The following BACE2 variants were observed in gnomAD, a reference collection of about 807,000 sequenced individuals.
BACE2 encodes the protein 56 kDa aspartic-like protease.
In BACE2, 17 loss-of-function variants were observed where a neutral mutation model predicts 46.2. The observed-to-expected ratio is 0.37, with a 90% CI of 0.25 to 0.55. The LOEUF is 0.55. Ranked by LOEUF, BACE2 falls within the 20% of genes least tolerant of loss-of-function variation. The pLI is 0.82. For missense variants in BACE2, 595 were observed against 698.1 expected (o/e 0.85, Z 1.66); for synonymous variants, 277 against 295.9 (o/e 0.94, Z 0.66).
rs1239805298 is a variant in BACE2 at position 41,282,052 on chromosome 21, T to C, written c.*6428T>C. The C allele has an allele frequency of 6.6e-6, 1 of 152,230 alleles. No individual in the cohort carries two copies. The highest frequency in any genetic ancestry group is 1.5e-5 in the Non-Finnish European group (1 of 68,032). The allele number at this position is 152,230 out of a possible 1,614,324, so 9.4% of individuals were successfully genotyped here. On this transcript the variant is annotated 3_prime_UTR_variant, in exon 9 of 9. Transcript: ENST00000330333. ...TTCAGTCATTGAAAGCGACCACTCA[T>C]TTTTTTCTTAAAGTTGATGCCTTTT... is the stretch of plus-strand genomic sequence containing the variant.
At chr21:41,186,463 C>G (rs937468861) in intron 1 of BACE2, 1 of 152,412 alleles carries the variant, frequency 6.6e-6, no homozygotes, top group Admixed American at 6.5e-5. Context: ...CAATCACAGA[C>G]TGCTTCACCG....
intron 5 of BACE2, among the ~76,000 whole-genome samples, chr21:41,243,751 A>C (rs1323999026): frequency 6.6e-6 from 1 of 152,224 alleles, no homozygotes; most frequent in Non-Finnish European, 1.5e-5. Context: ...TTACCATTAA[A>C]TGGTGAGTGA....
chr21:41,200,728 G>A (rs555301444), intron 1 of BACE2, among the ~76,000 whole-genome samples: 4 of 152,324 alleles, frequency 2.6e-5, no homozygotes, highest in Admixed American at 2.0e-4. Context: ...GACATGCAGA[G>A]AGACACCAGG....
intron 2 of BACE2, among the ~76,000 whole-genome samples, chr21:41,236,476 G>A (rs1197767516): frequency 2.6e-5 from 4 of 152,152 alleles, no homozygotes; most frequent in African/African-American, 7.2e-5. Context: ...TGTGAATGTC[G>A]TTCTGCGTCA....
At chr21:41,188,403 TA>T in intron 1 of BACE2, among the ~76,000 whole-genome samples, 1 of 152,280 alleles carries the variant, frequency 6.6e-6, no homozygotes, top group South Asian at 2.1e-4. Context: ...TTGGCAGGCC[TA>T]TGCAAACCAC....
chr21:41,176,185 C>G (rs1461326967), intron 1 of BACE2: 4 of 152,074 alleles, frequency 2.6e-5, no homozygotes, highest in African/African-American at 7.2e-5. Context: ...TTTTTTGCCC[C>G]CAGACCAATC....
chr21:41,232,739 C>T, intron 2 of BACE2, among the ~76,000 whole-genome samples: 1 of 152,202 alleles, frequency 6.6e-6, no homozygotes, highest in East Asian at 1.9e-4. Context: ...TCACCAGAAG[C>T]AGATGCCAGC....
At chr21:41,216,928 C>A (rs900329761) in intron 1 of BACE2, among the ~76,000 whole-genome samples, 2 of 151,986 alleles carry the variant, frequency 1.3e-5, no homozygotes, top group Admixed American at 6.6e-5. Context: ...TGTAGCTGTT[C>A]TTTTTTTGTT....
chr21:41,221,749 G>A (rs551793950), intron 1 of BACE2, among the ~76,000 whole-genome samples: 87 of 151,082 alleles, frequency 5.8e-4, no homozygotes, highest in African/African-American at 1.7e-3. Flanking sequence ...AATGGCGTGA[G>A]CCCAGGAGGA....
chr21:41,172,447 A>G (rs1285205422), intron 1 of BACE2, among the ~76,000 whole-genome samples: 2 of 152,194 alleles, frequency 1.3e-5, no homozygotes, highest in Non-Finnish European at 2.9e-5. Context: ...AATGTGCACA[A>G]CAATGTGACT....
At chr21:41,173,746 G>A (rs987442710) in intron 1 of BACE2, among the ~76,000 whole-genome samples, 2 of 151,788 alleles carry the variant, frequency 1.3e-5, no homozygotes, top group Non-Finnish European at 2.9e-5. Context: ...ACTCTGTCTC[G>A]AAAAAAAGAA....
intron 1 of BACE2, among the ~76,000 whole-genome samples, chr21:41,224,019 A>C (rs1018781409): frequency 1.3e-5 from 2 of 151,978 alleles, no homozygotes; most frequent in Non-Finnish European, 2.9e-5. Flanking sequence ...AGAAGGAGGA[A>C]ATCAGGAAAG....
intron 1 of BACE2, among the ~76,000 whole-genome samples, chr21:41,203,041 C>T (rs928379912): frequency 2.0e-5 from 3 of 152,148 alleles, no homozygotes; most frequent in Non-Finnish European, 4.4e-5. Flanking sequence ...TTCATGGACA[C>T]GTGATACTTG....
intron 8 of BACE2, among the ~76,000 whole-genome samples, chr21:41,265,328 T>G (rs184618569): frequency 6.6e-6 from 1 of 152,346 alleles, no homozygotes; most frequent in Admixed American, 6.5e-5. Context: ...TTTGCATATA[T>G]GAAAGTATAC....
intron 1 of BACE2, among the ~76,000 whole-genome samples, chr21:41,171,139 C>T (rs148278065): frequency 2.6e-5 from 4 of 152,338 alleles, no homozygotes; most frequent in African/African-American, 7.2e-5. Context: ...GCCAGAGAAC[C>T]CTGAACGTAC....
chr21:41,228,605 G>A (rs77304675), intron 2 of BACE2, among the ~76,000 whole-genome samples: 5 of 152,118 alleles, frequency 3.3e-5, no homozygotes, highest in African/African-American at 1.2e-4. Context: ...TTCAACAATC[G>A]ATCAGCCCTC....
At chr21:41,188,549 TCCTA>T (rs1985458076) in intron 1 of BACE2, among the ~76,000 whole-genome samples, 1 of 151,666 alleles carries the variant, frequency 6.6e-6, no homozygotes, top group African/African-American at 2.4e-5. Flanking sequence ...GATGGTGGAT[TCCTA>T]CCCATCACCC....
intron 1 of BACE2, among the ~76,000 whole-genome samples, chr21:41,174,138 C>CTTTTTTTTTTTTTTTTTTTTT (rs1568853912): frequency 1.1e-4 from 8 of 70,642 alleles, no homozygotes; most frequent in East Asian, 5.5e-4. Context: ...TGATCAGTGG[C>CTTTTTTTTTTTTTTTTTTTTT]CTTTTTTTTT....
intron 1 of BACE2, chr21:41,184,302 T>A (rs1985276987): frequency 1.2e-5 from 2 of 167,128 alleles, no homozygotes; most frequent in South Asian, 2.1e-4. Context: ...CTTGTCATAA[T>A]TGACTGGCTT....
Sources: gnomAD v4.1 joint callset for allele counts (sites outside exome capture counted in the v4.1 genomes callset) on GRCh38, gnomAD v4.1.1 for gene constraint, MANE v1.5 for transcripts, NCBI Gene and HGNC (gene_info 2026-07-23, HGNC 2026-07-21) for gene names.